ATP6V1G1: variants seen among roughly 807,000 people sequenced by gnomAD.
The protein encoded by ATP6V1G1 is ATPase H+ transporting V1 subunit G1, also known as V-type proton ATPase subunit G 1.
In ATP6V1G1, 14 loss-of-function variants were observed where a neutral mutation model predicts 14.2. The observed-to-expected ratio is 0.99, with a 90% CI of 0.65 to 1.55. The LOEUF (loss-of-function observed/expected upper bound fraction) is 1.55, where lower values mean the gene tolerates loss of function less well. Among genes scored for constraint, ATP6V1G1 ranks in the 40% most tolerant of loss-of-function variants. The pLI is 0.00. For synonymous variants in ATP6V1G1, 65 were observed against 53.3 expected, an observed-to-expected ratio of 1.22 and a Z score of -0.96; for missense variants, 137 against 146.4, an observed-to-expected ratio of 0.94 and a Z score of 0.33.
At chr9:114,588,311 C>T (rs1054996909) in intron 1 of ATP6V1G1, among the ~76,000 whole-genome samples, 2 of 151,994 alleles carry the variant, frequency 1.3e-5, no homozygotes, top group Non-Finnish European at 2.9e-5. Context: ...CTTGCCTCTT[C>T]TCCCTCCCTC....
chr9:114,596,658 G>A (rs1432573447), intron 2 of ATP6V1G1, among the ~76,000 whole-genome samples: 4 of 152,018 alleles, frequency 2.6e-5, no homozygotes, highest in Non-Finnish European at 5.9e-5. Context: ...TGGAGATGGG[G>A]TCTTCTTGCA....
intron 2 of ATP6V1G1, among the ~76,000 whole-genome samples, chr9:114,594,437 G>T (rs535188261): frequency 6.7e-6 from 1 of 149,418 alleles, no homozygotes; most frequent in Non-Finnish European, 1.5e-5. Flanking sequence ...AGGCTGGAGC[G>T]CAGTGGCGTC....
Position 114,597,643 on chromosome 9 carries a change from C to T in ATP6V1G1, c.257C>T (p.Thr86Ile). The change falls in exon 3 of 3, where the codon ACA becomes ATA. Residue 86 changes from threonine to isoleucine, a missense_variant. Coordinates refer to ENST00000374050, the MANE Select transcript of ATP6V1G1 (RefSeq NM_004888.4). Reference sequence around the variant, plus strand: ...CAGGAGAAGATGACCATCCTCCAGACATACTTCCGGCAGAACAGGGATGAA... The same window carrying T: ...CAGGAGAAGATGACCATCCTCCAGATATACTTCCGGCAGAACAGGGATGAA... ...ETQEKMTILQ[T>I]YFRQNRDEVL... The T allele has an allele frequency of 6.3e-7, 1 of 1,590,202 alleles. No individual in the cohort carries two copies. Among genetic ancestry groups the T allele is most frequent in the Non-Finnish European group, 8.5e-7 (1 of 1,170,018 alleles).
chr9:114,587,860 A>G lies in ATP6V1G1; in HGVS notation c.22A>G (p.Ile8Val), dbSNP rs758635336. The G allele has an allele frequency of 6.3e-7, 1 of 1,594,394 alleles. No individual in the cohort carries two copies. The highest frequency in any genetic ancestry group is 8.5e-7 in the Non-Finnish European group (1 of 1,171,134). Residue 8 changes from isoleucine to valine, a missense_variant, in exon 1 of 3, where the codon ATT (isoleucine) becomes GTT (valine). Transcript: ENST00000374050. Reference sequence around the variant, plus strand: ...CGCCATGGCTAGTCAGTCTCAGGGGATTCAGCAGCTGCTGCAGGCCGAGAA... The same window carrying G: ...CGCCATGGCTAGTCAGTCTCAGGGGGTTCAGCAGCTGCTGCAGGCCGAGAA... MASQSQG[I>V]QQLLQAEKRA... is the part of the protein sequence containing the mutation.
At chr9:114,597,269 C>T (rs1290486898) in intron 2 of ATP6V1G1, among the ~76,000 whole-genome samples, 3 of 152,108 alleles carry the variant, frequency 2.0e-5, no homozygotes, top group South Asian at 2.1e-4. Context: ...GGATTACAGG[C>T]GTGAGCCACC....
At chr9:114,588,870 T>C (rs1368722508) in intron 1 of ATP6V1G1, among the ~76,000 whole-genome samples, 1 of 150,104 alleles carries the variant, frequency 6.7e-6, no homozygotes, top group African/African-American at 2.5e-5. Flanking sequence ...CCCTACCGCC[T>C]TTGTAGTCAG....
intron 2 of ATP6V1G1, among the ~76,000 whole-genome samples, chr9:114,597,029 C>T (rs377236060): frequency 1.9e-4 from 24 of 129,106 alleles, no homozygotes; most frequent in African/African-American, 5.4e-4. Flanking sequence ...CTCGCTCTGT[C>T]GCCCAGGCTG....
At chr9:114,590,514 G>A (rs987835402) in intron 1 of ATP6V1G1, among the ~76,000 whole-genome samples, 8 of 151,880 alleles carry the variant, frequency 5.3e-5, no homozygotes, top group Non-Finnish European at 1.0e-4. Flanking sequence ...TATGTCGGCC[G>A]GGTTCTTCTC....
intron 1 of ATP6V1G1, among the ~76,000 whole-genome samples, chr9:114,589,100 C>T (rs750729987): frequency 6.6e-6 from 1 of 152,174 alleles, no homozygotes; most frequent in Non-Finnish European, 1.5e-5. Flanking sequence ...CTTAGTCTTC[C>T]ATCAGACCTC....
rs1429738416 is a variant in ATP6V1G1 at position 114,588,446 on chromosome 9, CGT to C, written c.82+535_82+536del. 3.5e-5 allele frequency among the ~76,000 whole-genome samples: 5 copies of C among 144,760 alleles called. No individual in the cohort carries two copies. In the East Asian group the frequency reaches 9.2e-4, roughly 27 times the overall value. The allele number at this position is 144,760 out of a possible 152,430, so 95.0% of individuals were successfully genotyped here. The stretch of plus-strand genomic sequence containing the variant: ...GTTGTCTAAATCGTTGGCGTGTGTG[CGT>C]GTGTGTGTTTCTGATATGTGGCAAG... On this transcript the variant is annotated intron_variant, in intron 1 of 2. Transcript: ENST00000374050.
chr9:114,592,562 G>A lies in ATP6V1G1; in HGVS notation c.93G>A (p.Arg31=), dbSNP rs1845193369. The change falls in exon 2 of 3, where the codon CGG becomes CGA. Residue 31 remains arginine (R), a synonymous_variant. Transcript: ENST00000374050. ...CTCCTTTGAAAACAGGAAAGAACCG[G>A]AGGCTGAAGCAGGCCAAAGAAGAAG... ...KVSEARKRKN[R]RLKQAKEEAQ... is the part of the protein sequence containing the mutation. The A allele has an allele frequency of 6.4e-7, 1 of 1,564,342 alleles. No individual in the cohort carries two copies. The highest frequency in any genetic ancestry group is 8.7e-7 in the Non-Finnish European group (1 of 1,154,280).
chr9:114,590,052 G>T (rs1845166962), intron 1 of ATP6V1G1, among the ~76,000 whole-genome samples: 1 of 151,938 alleles, frequency 6.6e-6, no homozygotes, highest in Admixed American at 6.6e-5. Context: ...ACAAAAGTTA[G>T]CTGGGCGTGG....
intron 1 of ATP6V1G1, among the ~76,000 whole-genome samples, chr9:114,589,533 T>G (rs1294812719): frequency 6.6e-6 from 1 of 152,320 alleles, no homozygotes; most frequent in South Asian, 2.1e-4. Context: ...CCTCTACTTG[T>G]GCAGTTAGGG....
chr9:114,595,169 A>C (rs1254335159), intron 2 of ATP6V1G1, among the ~76,000 whole-genome samples: 1 of 152,042 alleles, frequency 6.6e-6, no homozygotes, highest in Non-Finnish European at 1.5e-5. Context: ...TGCTCAGCCA[A>C]GCTCTGAATC....
rs201363023 is a variant in ATP6V1G1 at position 114,597,690 on chromosome 9, T to C, written c.304T>C (p.Phe102Leu). ...RDEVLDNLLA[F>L]VCDIRPEIHE... ...TGAAGTCTTGGACAACCTCTTGGCT[T>C]TTGTCTGTGACATTCGGCCAGAAAT... Residue 102 changes from phenylalanine to leucine, a missense_variant, in exon 3 of 3, where the codon TTT becomes CTT. Coordinates refer to ENST00000374050, the MANE Select transcript of ATP6V1G1 (RefSeq NM_004888.4). 3.1e-5 allele frequency: 50 copies of C among 1,590,774 alleles called. No homozygotes were observed. The highest frequency in any genetic ancestry group is 4.0e-5 in the Non-Finnish European group (47 of 1,171,478).
At chr9:114,591,801 C>T (rs1845184600) in intron 1 of ATP6V1G1, among the ~76,000 whole-genome samples, 2 of 151,898 alleles carry the variant, frequency 1.3e-5, no homozygotes, top group Admixed American at 6.6e-5. Flanking sequence ...TGGTCTAGAA[C>T]CTCTCTTTTT....
At position 114,597,801 on chromosome 9, in the gene ATP6V1G1, C is replaced by T. The variant is rs1282169542; in HGVS notation, c.*58C>T. Reference sequence around the variant, plus strand: ...TTTAGATGCCCTCACGAATATGAAGCTTAGCACAGCTCTAGTTACATTCTT... The same window carrying T: ...TTTAGATGCCCTCACGAATATGAAGTTTAGCACAGCTCTAGTTACATTCTT... On this transcript the variant is annotated 3_prime_UTR_variant, in exon 3 of 3. Coordinates refer to ENST00000374050, the MANE Select transcript of ATP6V1G1 (RefSeq NM_004888.4). 7.1e-7 allele frequency: 1 copy of T among 1,404,560 alleles called. No homozygotes were observed. Among genetic ancestry groups the T allele is most frequent in the Non-Finnish European group, 9.4e-7 (1 of 1,065,370 alleles). The allele number at this position is 1,404,560 out of a possible 1,614,324, so 87.0% of individuals were successfully genotyped here. A position where few individuals can be genotyped will look rare whatever the true frequency, so the allele number is the denominator to read the frequency against.
At chr9:114,591,002 G>T (rs1466440644) in intron 1 of ATP6V1G1, among the ~76,000 whole-genome samples, 2 of 152,054 alleles carry the variant, frequency 1.3e-5, no homozygotes, top group Non-Finnish European at 2.9e-5. Flanking sequence ...CACCATAGTG[G>T]CCAGGTTGGT....
At chr9:114,591,782 A>G (rs1845184420) in intron 1 of ATP6V1G1, among the ~76,000 whole-genome samples, 1 of 152,170 alleles carries the variant, frequency 6.6e-6, no homozygotes, top group Non-Finnish European at 1.5e-5. Flanking sequence ...TCTCAAATAA[A>G]TAGGTTGATG....
Sources: gnomAD v4.1 joint callset for allele counts (sites outside exome capture counted in the v4.1 genomes callset) on GRCh38, gnomAD v4.1.1 for gene constraint, MANE v1.5 for transcripts, NCBI Gene and HGNC (gene_info 2026-07-23, HGNC 2026-07-21) for gene names.